Variants in TRA2A observed in about 807,000 individuals in gnomAD.
The protein encoded by TRA2A is transformer-2 protein homolog alpha.
A neutral mutation model predicts 45.7 loss-of-function variants in TRA2A; 31 were observed. The observed-to-expected ratio is 0.68, with a 90% CI of 0.51 to 0.92. The LOEUF is 0.92. Among genes scored for constraint, TRA2A ranks in the 40% least tolerant of loss-of-function variants. The pLI, the probability that TRA2A is intolerant of heterozygous loss-of-function variation, is 0.00. For missense variants in TRA2A, 304 were observed against 367.5 expected (o/e 0.83, Z 1.41); for synonymous variants, 132 against 126.2 (o/e 1.05, Z -0.31).
chr7:23,515,133 T>G (rs1032705684), intron 3 of TRA2A, among the ~76,000 whole-genome samples: 4 of 152,206 alleles, frequency 2.6e-5, no homozygotes, highest in Admixed American at 2.0e-4. Flanking sequence ...AATATTTCTT[T>G]GACCCCCTTA....
At chr7:23,519,175 C>T (rs926151696) in intron 2 of TRA2A, among the ~76,000 whole-genome samples, 1 of 152,126 alleles carries the variant, frequency 6.6e-6, no homozygotes, top group Non-Finnish European at 1.5e-5. Flanking sequence ...AGGCAGATCA[C>T]AAGGTCAGGA....
chr7:23,525,221 C>T (rs537575204), intron 1 of TRA2A, among the ~76,000 whole-genome samples: 1 of 152,350 alleles, frequency 6.6e-6, no homozygotes, highest in African/African-American at 2.4e-5. Flanking sequence ...CCTTTTCTCT[C>T]TGACTCGTCT....
At chr7:23,513,767 G>A (rs1789735023) in intron 3 of TRA2A, among the ~76,000 whole-genome samples, 1 of 152,090 alleles carries the variant, frequency 6.6e-6, no homozygotes, top group South Asian at 2.1e-4. Context: ...AATCTGACGT[G>A]TCTACCTTAC....
At chr7:23,531,547 G>C (rs758947546) in intron 1 of TRA2A, 1 of 579,802 alleles carries the variant, frequency 1.7e-6, no homozygotes, top group Non-Finnish European at 3.0e-6. Flanking sequence ...GGGGCGGGGA[G>C]GGAAGAGGAC....
chr7:23,526,227 C>G (rs1790335161), intron 1 of TRA2A, among the ~76,000 whole-genome samples: 2 of 152,120 alleles, frequency 1.3e-5, no homozygotes, highest in Non-Finnish European at 2.9e-5. Context: ...GAAATTCCAA[C>G]ACAATATATA....
In TRA2A at chr7:23,524,233, G is replaced by C. The variant is rs551498876; in HGVS notation, c.37-2393C>G. On this transcript the variant is annotated intron_variant, in intron 1 of 7. Coordinates refer to ENST00000297071, the MANE Select transcript of TRA2A (RefSeq NM_013293.5). ...GAGTCTCATTCTGTCACCCAGGCTG[G>C]AGTGTAATGGTGCGATCTAGGCTCA... is the stretch of plus-strand genomic sequence containing the variant. Among the ~76,000 whole-genome samples, 5 of 152,218 alleles carry C rather than the reference G, an allele frequency of 3.3e-5. No homozygotes were observed. In the South Asian group the frequency reaches 6.2e-4, roughly 19 times the overall value.
chr7:23,507,156 C>A, intron 5 of TRA2A: 1 of 430,060 alleles, frequency 2.3e-6, no homozygotes, highest in Non-Finnish European at 4.1e-6. Flanking sequence ...GAAAGAGTCT[C>A]ACTCTGTTGC....
chr7:23,520,778 C>T (rs1197529215), intron 2 of TRA2A, among the ~76,000 whole-genome samples: 3 of 151,314 alleles, frequency 2.0e-5, no homozygotes, highest in Admixed American at 6.6e-5. Context: ...CTGCAACCTC[C>T]GCCTCCTGGG....
intron 1 of TRA2A, among the ~76,000 whole-genome samples, chr7:23,526,095 C>T (rs1271661230): frequency 6.6e-6 from 1 of 152,174 alleles, no homozygotes; most frequent in Non-Finnish European, 1.5e-5. Context: ...TAACCATGTA[C>T]TATTCTTTTA....
chr7:23,527,687 A>C (rs950765115), intron 1 of TRA2A, among the ~76,000 whole-genome samples: 4 of 152,206 alleles, frequency 2.6e-5, no homozygotes, highest in African/African-American at 9.6e-5. Flanking sequence ...ACATCCCTAA[A>C]TATTTAAATC....
chr7:23,514,892 A>C (rs529894611), intron 3 of TRA2A, among the ~76,000 whole-genome samples: 4 of 152,314 alleles, frequency 2.6e-5, no homozygotes, highest in African/African-American at 9.6e-5. Flanking sequence ...CTGTGGGAGA[A>C]GCATAGTACA....
At chr7:23,511,106 T>C (rs1474004079) in intron 4 of TRA2A, among the ~76,000 whole-genome samples, 1 of 151,876 alleles carries the variant, frequency 6.6e-6, no homozygotes, top group Non-Finnish European at 1.5e-5. Flanking sequence ...GCGCGGTGGC[T>C]CACACCTGTA....
intron 4 of TRA2A, among the ~76,000 whole-genome samples, chr7:23,508,564 G>A (rs1251998620): frequency 6.6e-6 from 1 of 152,066 alleles, no homozygotes; most frequent in Admixed American, 6.6e-5. Context: ...GCGTGACCTC[G>A]GTTCACTGCA....
chr7:23,511,270 C>T (rs182132962), intron 4 of TRA2A, among the ~76,000 whole-genome samples: 1 of 149,158 alleles, frequency 6.7e-6, no homozygotes, highest in African/African-American at 2.5e-5. Context: ...ACTCGGGAGG[C>T]TGAGGCAGGA....
At chr7:23,510,653 T>G (rs550273832) in intron 4 of TRA2A, among the ~76,000 whole-genome samples, 91 of 152,062 alleles carry the variant, frequency 6.0e-4, no homozygotes, top group African/African-American at 2.0e-3. Context: ...TATCCAGAAG[T>G]GGAAGGGGAC....
intron 1 of TRA2A, chr7:23,531,329 G>T: frequency 2.3e-6 from 2 of 852,698 alleles, no homozygotes; most frequent in Non-Finnish European, 2.8e-6. Flanking sequence ...GCTTCTCCCC[G>T]CCCGGAAAGC....
chr7:23,530,750 A>G (rs1288152213), intron 1 of TRA2A, among the ~76,000 whole-genome samples: 3 of 152,012 alleles, frequency 2.0e-5, no homozygotes, highest in Non-Finnish European at 4.4e-5. Flanking sequence ...CTTTTTTCTG[A>G]GCCCTCTTCG....
At chr7:23,522,607 C>T (rs6976831) in intron 1 of TRA2A, among the ~76,000 whole-genome samples, 19,078 of 149,680 alleles carry the variant, frequency 0.13, 1,459 homozygotes, top group East Asian at 0.36. Flanking sequence ...GTTCAAAACT[C>T]TAGTTTCTAA....
At chr7:23,519,083 C>G (rs1790017038) in intron 2 of TRA2A, among the ~76,000 whole-genome samples, 2 of 152,150 alleles carry the variant, frequency 1.3e-5, no homozygotes, top group African/African-American at 4.8e-5. Flanking sequence ...GCTTGCAGTC[C>G]TTTCTTTGCC....
Sources: allele counts gnomAD v4.1 joint callset (sites outside exome capture counted in the v4.1 genomes callset), GRCh38; gene constraint gnomAD v4.1.1; transcripts MANE v1.5; gene names NCBI Gene and HGNC (gene_info 2026-07-23, HGNC 2026-07-21).